CTDSP2: variants seen among roughly 807,000 people sequenced by gnomAD.
CTDSP2 encodes carboxy-terminal domain RNA polymerase II polypeptide A small phosphatase 2.
Under a neutral mutation model 31.6 loss-of-function variants are expected in CTDSP2, and 9 were observed. The observed-to-expected ratio is 0.28, with a 90% CI of 0.17 to 0.50. CTDSP2 has a LOEUF of 0.50. CTDSP2 is among the 20% of genes least tolerant of loss of function. The probability of loss-of-function intolerance (pLI) is 0.98; values close to 1 mark genes in which losing one functional copy is unlikely to be tolerated. For missense variants in CTDSP2, 267 were observed against 348.5 expected (o/e 0.77, Z 1.86); for synonymous variants, 134 against 134.5 (o/e 1.00, Z 0.03).
At chr12:57,835,850 G>A (rs1956244603) in intron 1 of CTDSP2, among the ~76,000 whole-genome samples, 1 of 152,214 alleles carries the variant, frequency 6.6e-6, no homozygotes. Flanking sequence ...CTGGGGTCCA[G>A]GCTCTGCCAG....
chr12:57,846,062 G>A (rs1201472647), intron 1 of CTDSP2, among the ~76,000 whole-genome samples: 1 of 152,200 alleles, frequency 6.6e-6, no homozygotes. Flanking sequence ...CTCCGGAGGC[G>A]GTGGACGCGG....
intron 1 of CTDSP2, among the ~76,000 whole-genome samples, chr12:57,831,976 C>T (rs1956218469): frequency 6.6e-6 from 1 of 152,168 alleles, no homozygotes; most frequent in Admixed American, 6.5e-5. Context: ...CAAACTATTC[C>T]ACAGGACCAA....
rs1956141530 is a variant in CTDSP2, at chr12:57,820,996, G to A, written c.*2606C>T. 6.6e-6 allele frequency: 1 copy of A among 152,240 alleles called. No individual in the cohort carries two copies. Among genetic ancestry groups the A allele is most frequent in the Non-Finnish European group, 1.5e-5 (1 of 68,052 alleles). The allele number at this position is 152,240 out of a possible 1,614,324, so 9.4% of individuals were successfully genotyped here. On this transcript the variant is annotated 3_prime_UTR_variant, in exon 8 of 8. Coordinates refer to ENST00000398073, the MANE Select transcript of CTDSP2 (RefSeq NM_005730.4). ...TCCCAAAGACCAGTCTCAAGTGGGA[G>A]GGGCTGATGGTGGGAAGCCCTAGAA...
At chr12:57,827,677 G>A (rs1956191623) in intron 2 of CTDSP2, 87 bp from the exon 3 acceptor site, 1 of 1,370,704 alleles carries the variant, frequency 7.3e-7, no homozygotes, top group Non-Finnish European at 1.0e-6. Context: ...AGCCTGGAGG[G>A]CAACTTTCTC....
At chr12:57,845,222 G>C (rs1213898665) in intron 1 of CTDSP2, among the ~76,000 whole-genome samples, 4 of 146,522 alleles carry the variant, frequency 2.7e-5, no homozygotes, top group South Asian at 2.1e-4. Context: ...TCCGGGGCCA[G>C]GTGGCCCCGG....
At chr12:57,830,817 C>T (rs1234310727) in intron 1 of CTDSP2, among the ~76,000 whole-genome samples, 2 of 151,902 alleles carry the variant, frequency 1.3e-5, no homozygotes, top group African/African-American at 2.4e-5. Context: ...GGAGCGATCT[C>T]GGCTCACCAC....
At chr12:57,825,101 T>G (rs1052043481) in intron 5 of CTDSP2, among the ~76,000 whole-genome samples, 5 of 152,208 alleles carry the variant, frequency 3.3e-5, no homozygotes, top group Non-Finnish European at 7.4e-5. Context: ...GCATTCCTCC[T>G]GCCTTGGCCT....
chr12:57,833,860 T>A (rs1956230903), intron 1 of CTDSP2, among the ~76,000 whole-genome samples: 1 of 152,254 alleles, frequency 6.6e-6, no homozygotes, highest in African/African-American at 2.4e-5. Flanking sequence ...CCATGTTTAC[T>A]GAGCATCAAG....
chr12:57,822,999 CCTTTGGGCCACAAGACCTGA>C lies in CTDSP2; in HGVS notation c.*583_*602del, dbSNP rs1404527519. On this transcript the variant is annotated 3_prime_UTR_variant, in exon 8 of 8. Transcript: ENST00000398073. The stretch of plus-strand genomic sequence containing the variant: ...GGCACTCAGCCGGAGGCAAGCATAG[CCTTTGGGCCACAAGACCTGA>C]TGGCCACTGGATGCTGGTCTGGAAA... The C allele has an allele frequency of 6.5e-6, 1 of 154,528 alleles. No individual in the cohort carries two copies. The highest frequency in any genetic ancestry group is 2.4e-5 in the African/African-American group (1 of 41,456). The allele number at this position is 154,528 out of a possible 1,614,324, so 9.6% of individuals were successfully genotyped here.
At chr12:57,845,729 C>G (rs1236519207) in intron 1 of CTDSP2, among the ~76,000 whole-genome samples, 2 of 152,026 alleles carry the variant, frequency 1.3e-5, no homozygotes, top group Non-Finnish European at 2.9e-5. Flanking sequence ...CAGAGGCAGC[C>G]GGGAGGGAGC....
chr12:57,824,796 C>T, intron 5 of CTDSP2: 1 of 427,250 alleles, frequency 2.3e-6, no homozygotes, highest in Non-Finnish European at 4.8e-6. Context: ...CCTCAATGAC[C>T]ATAGACTAGA....
intron 1 of CTDSP2, among the ~76,000 whole-genome samples, chr12:57,830,579 C>T (rs1361326213): frequency 6.6e-6 from 1 of 152,108 alleles, no homozygotes; most frequent in Non-Finnish European, 1.5e-5. Context: ...GGCCCCCTCC[C>T]CTCAAGGATG....
rs1592246208 is a variant in CTDSP2, at chr12:57,846,582, C to T, written c.-147G>A. The T allele has an allele frequency of 6.1e-6, 4 of 652,350 alleles. No individual in the cohort carries two copies. The highest frequency in any genetic ancestry group is 9.5e-6 in the Non-Finnish European group (4 of 421,378). The allele number at this position is 652,350 out of a possible 1,614,324, so 40.4% of individuals were successfully genotyped here. ...GTTCACATCCCCCCTCTCGTTTCCT[C>T]CCCGGACCGGGAAGGGAGGCGGCCT... On this transcript the variant is annotated 5_prime_UTR_variant, in exon 1 of 8. Coordinates refer to ENST00000398073, the MANE Select transcript of CTDSP2 (RefSeq NM_005730.4).
intron 1 of CTDSP2, 47 bp downstream of exon 1, chr12:57,846,325 T>C (rs1379017087): frequency 6.4e-7 from 1 of 1,558,368 alleles, no homozygotes; most frequent in Non-Finnish European, 8.7e-7. Flanking sequence ...GCTAGCCCCC[T>C]CCGCGCCCGG....
In CTDSP2 at chr12:57,824,030, G is replaced by A; in HGVS notation, c.564C>T (p.Phe188=). 6.2e-7 allele frequency: 1 copy of A among 1,614,060 alleles called. No homozygotes were observed. The highest frequency in any genetic ancestry group is 8.5e-7 in the Non-Finnish European group (1 of 1,180,008). The change falls in exon 7 of 8, where the codon TTC becomes TTT. Residue 188 remains phenylalanine, a synonymous_variant. Coordinates refer to ENST00000398073, the MANE Select transcript of CTDSP2 (RefSeq NM_005730.4). ...CCTGGTGGAACACGCAAGACTCACG[G>A]AATAGGCGGGCCCGGAACACCCCAC... ...DRCGVFRARL[F]RESCVFHQGC...
In CTDSP2 at chr12:57,846,416, A is replaced by T; in HGVS notation, c.20T>A (p.Ile7Asn). 1 of 1,607,108 alleles carries T rather than the reference A, an allele frequency of 6.2e-7. No homozygotes were observed. Among genetic ancestry groups the T allele is most frequent in the South Asian group, 1.1e-5 (1 of 89,516 alleles). Residue 7 changes from isoleucine to asparagine, a missense_variant, in exon 1 of 8, where the codon ATC becomes AAC. By Grantham distance (149) the Ile-to-Asn change is moderately radical. Transcript: ENST00000398073. ...GGCGTCTTCCCTCCGCGCCTGGGTG[A>T]TGATGGAGCCGTGTTCCATCTAACA... is the stretch of plus-strand genomic sequence containing the variant. MEHGSI[I>N]TQARREDALV...
At chr12:57,826,931 A>T in intron 4 of CTDSP2, 65 bp downstream of exon 4, 1 of 1,263,826 alleles carries the variant, frequency 7.9e-7, no homozygotes, top group Non-Finnish European at 1.1e-6. Context: ...TGCCTTACAC[A>T]TCTGTTGCCA....
intron 1 of CTDSP2, among the ~76,000 whole-genome samples, chr12:57,839,242 C>G (rs960528015): frequency 6.6e-6 from 1 of 152,208 alleles, no homozygotes; most frequent in African/African-American, 2.4e-5. Flanking sequence ...ATCTAGAAGT[C>G]AGGAAACCCA....
chr12:57,823,303 C>T lies in CTDSP2; in HGVS notation c.*299G>A. 3 of 408,224 alleles carry T rather than the reference C, an allele frequency of 7.3e-6. No homozygotes were observed. Among genetic ancestry groups the T allele is most frequent in the East Asian group, 4.9e-5 (1 of 20,554 alleles). 25.3% of individuals were successfully genotyped at this position (408,224 alleles called of 1,614,324 possible). On this transcript the variant is annotated 3_prime_UTR_variant, in exon 8 of 8. Coordinates refer to ENST00000398073, the MANE Select transcript of CTDSP2 (RefSeq NM_005730.4). ...GAAGAGTCTTGGTCTTTCAGCTTCTCCCCCACTGAAACACTATACACTGGG... is the reference window on the plus strand; with the variant it reads ...GAAGAGTCTTGGTCTTTCAGCTTCTTCCCCACTGAAACACTATACACTGGG...
Sources: gnomAD v4.1 joint callset for allele counts (sites outside exome capture counted in the v4.1 genomes callset) on GRCh38, gnomAD v4.1.1 for gene constraint, MANE v1.5 for transcripts, NCBI Gene and HGNC (gene_info 2026-07-23, HGNC 2026-07-21) for gene names.